FOXJ3: variants seen among roughly 807,000 people sequenced by gnomAD.
FOXJ3 encodes forkhead box J3.
FOXJ3 carries 22 observed loss-of-function variants against 76.1 expected under a neutral mutation model. The observed-to-expected ratio is 0.29, with a 90% CI of 0.21 to 0.41. FOXJ3 has a LOEUF of 0.41. FOXJ3 is among the 10% of genes least tolerant of loss of function. The pLI is 1.00. For missense variants in FOXJ3, 613 were observed against 762.1 expected, an observed-to-expected ratio of 0.80 and a Z score of 2.30; for synonymous variants, 269 against 261.2, an observed-to-expected ratio of 1.03 and a Z score of -0.29.
At chr1:42,236,708 T>A (rs1015281095) in intron 4 of FOXJ3, among the ~76,000 whole-genome samples, 1 of 152,228 alleles carries the variant, frequency 6.6e-6, no homozygotes, top group African/African-American at 2.4e-5. Flanking sequence ...CTGATTCCTA[T>A]CATTGTGCAT....
At chr1:42,321,785 T>C (rs1172826119) in intron 1 of FOXJ3, among the ~76,000 whole-genome samples, 1 of 152,096 alleles carries the variant, frequency 6.6e-6, no homozygotes, top group Non-Finnish European at 1.5e-5. Context: ...CAGTCAAGTA[T>C]GAACCGACTC....
At chr1:42,227,795 C>T (rs1647692462) in intron 5 of FOXJ3, 88 bp downstream of exon 5, 5 of 612,128 alleles carry the variant, frequency 8.2e-6, no homozygotes, top group South Asian at 7.3e-5. Context: ...ATTATAGTTA[C>T]ATGTGCTAGA....
chr1:42,205,760 A>T lies in FOXJ3; in HGVS notation c.630+2T>A. 6.6e-7 allele frequency: 1 copy of T among 1,518,228 alleles called. No homozygotes were observed. The highest frequency in any genetic ancestry group is 1.4e-5 in the African/African-American group (1 of 73,114). 94.0% of individuals were successfully genotyped at this position (1,518,228 alleles called of 1,614,324 possible). A position where few individuals can be genotyped will look rare whatever the true frequency, so the allele number is the denominator to read the frequency against. ...CAATAATGTTTAAAAAAATGAAATT[A>T]CTTTGTTAGTCACAGTGTTGATTGC... On this transcript the variant is annotated splice_donor_variant, in intron 6 of 12. Coordinates refer to ENST00000361346, the MANE Select transcript of FOXJ3 (RefSeq NM_014947.5). LOFTEE classifies it high-confidence loss of function.
chr1:42,306,239 A>G (rs1654454876), intron 2 of FOXJ3, among the ~76,000 whole-genome samples: 2 of 151,862 alleles, frequency 1.3e-5, no homozygotes, highest in South Asian at 4.1e-4. Flanking sequence ...AGATTCTGCT[A>G]AACTTTTAAG....
intron 2 of FOXJ3, among the ~76,000 whole-genome samples, chr1:42,286,124 GAAAT>G (rs72274574): frequency 0.021 from 3,136 of 152,142 alleles, 109 homozygotes; most frequent in African/African-American, 0.072. Flanking sequence ...AATCTAAAAA[GAAAT>G]AAAATAATTT....
chr1:42,204,678 C>A (rs1249664736), intron 6 of FOXJ3, among the ~76,000 whole-genome samples: 2 of 152,010 alleles, frequency 1.3e-5, no homozygotes, highest in African/African-American at 2.4e-5. Flanking sequence ...CAATGGAATC[C>A]TGGGATTACC....
intron 2 of FOXJ3, among the ~76,000 whole-genome samples, chr1:42,291,826 T>C (rs1187313385): frequency 6.6e-6 from 1 of 152,040 alleles, no homozygotes; most frequent in Non-Finnish European, 1.5e-5. Flanking sequence ...CCAGAAAATA[T>C]AAAGAACTCT....
rs1646324900 is a variant in FOXJ3 at position 42,181,806 on chromosome 1, ATAAC to A, written c.1753+107_1753+110del. On this transcript the variant is annotated intron_variant, in intron 12 of 12. Transcript: ENST00000361346. ...GCTTCTCAATATTAAACTCTGGGTAATAACTGACACACACACACACACTCTCTCT... is the reference window on the plus strand; with the variant it reads ...GCTTCTCAATATTAAACTCTGGGTAATGACACACACACACACACTCTCTCT... The A allele has an allele frequency of 4.9e-6, 3 of 612,102 alleles. No homozygotes were observed. In the South Asian group the frequency reaches 6.8e-5, roughly 14 times the overall value. 37.9% of individuals were successfully genotyped at this position (612,102 alleles called of 1,614,324 possible). A position where few individuals can be genotyped will look rare whatever the true frequency, so the allele number is the denominator to read the frequency against.
At chr1:42,297,678 G>A (rs1369069573) in intron 2 of FOXJ3, among the ~76,000 whole-genome samples, 2 of 152,082 alleles carry the variant, frequency 1.3e-5, no homozygotes, top group East Asian at 1.9e-4. Flanking sequence ...GAGGATTTTT[G>A]CACCTATGTT....
chr1:42,267,947 G>A (rs534917286), intron 3 of FOXJ3, among the ~76,000 whole-genome samples: 144 of 151,770 alleles, frequency 9.5e-4, no homozygotes, highest in Non-Finnish European at 1.5e-3. Flanking sequence ...CATTCACAAA[G>A]AGCAAAACAA....
intron 3 of FOXJ3, among the ~76,000 whole-genome samples, chr1:42,271,318 A>T (rs949955948): frequency 4.7e-5 from 7 of 149,712 alleles, no homozygotes; most frequent in African/African-American, 7.5e-5. Flanking sequence ...TTTTTTTTTT[A>T]AATATGTAAA....
At chr1:42,248,737 T>TTC (rs1167572313) in intron 4 of FOXJ3, among the ~76,000 whole-genome samples, 3 of 145,634 alleles carry the variant, frequency 2.1e-5, no homozygotes, top group Admixed American at 6.8e-5. Flanking sequence ...TTTCTTTTTT[T>TTC]TTTTTTTTTT....
chr1:42,334,075 T>C, intron 1 of FOXJ3: 3 of 759,114 alleles, frequency 4.0e-6, no homozygotes, highest in Non-Finnish European at 4.8e-6. Context: ...CAACACGGAA[T>C]AGTAAAACCT....
At chr1:42,231,261 G>C (rs1473475943) in intron 4 of FOXJ3, among the ~76,000 whole-genome samples, 1 of 152,142 alleles carries the variant, frequency 6.6e-6, no homozygotes, top group African/African-American at 2.4e-5. Context: ...AGAAGGCAGA[G>C]CTCGCAGTGA....
intron 1 of FOXJ3, among the ~76,000 whole-genome samples, chr1:42,331,626 T>C (rs1656169585): frequency 6.6e-6 from 1 of 152,152 alleles, no homozygotes. Flanking sequence ...CTCTACAAGA[T>C]TGTAAGTACA....
At position 42,198,955 on chromosome 1, in the gene FOXJ3, C is replaced by T. The variant is rs555688233; in HGVS notation, c.759+147G>A. The T allele has an allele frequency of 7.9e-5, 49 of 619,786 alleles. No individual in the cohort carries two copies. In the South Asian group the frequency reaches 1.1e-3, roughly 14 times the overall value. 38.4% of individuals were successfully genotyped at this position (619,786 alleles called of 1,614,324 possible). On this transcript the variant is annotated intron_variant, in intron 7 of 12. Transcript: ENST00000361346. The stretch of plus-strand genomic sequence containing the variant: ...TAAAACACTAACAAGCTACAATCTC[C>T]TCTAATTTTGATCTACTTACTAAGT...
Position 42,259,164 on chromosome 1 carries a change from T to C in FOXJ3, c.444+5951A>G, listed in dbSNP as rs117985491. Among the ~76,000 whole-genome samples the C allele has an allele frequency of 2.9e-4, 44 of 152,298 alleles. No individual in the cohort carries two copies. In the East Asian group the frequency reaches 8.1e-3, roughly 28 times the overall value. Reference sequence around the variant, plus strand: ...CAGACTCAGAAGGCCATGTACTATATGAGTCCCATTTATATGGCATTTTGG... The same window carrying C: ...CAGACTCAGAAGGCCATGTACTATACGAGTCCCATTTATATGGCATTTTGG... On this transcript the variant is annotated intron_variant, in intron 4 of 12. Coordinates refer to ENST00000361346, the MANE Select transcript of FOXJ3 (RefSeq NM_014947.5).
At chr1:42,277,752 C>G (rs373831101) in intron 3 of FOXJ3, among the ~76,000 whole-genome samples, 2 of 49,070 alleles carry the variant, frequency 4.1e-5, no homozygotes, top group African/African-American at 6.4e-5. Context: ...AGCCGAGATC[C>G]CGCCACTGCA....
At chr1:42,211,571 T>C (rs931917473) in intron 5 of FOXJ3, among the ~76,000 whole-genome samples, 1 of 151,856 alleles carries the variant, frequency 6.6e-6, no homozygotes, top group South Asian at 2.1e-4. Context: ...CCTTTGGCCA[T>C]ACCTGTGGAT....
Sources: allele counts gnomAD v4.1 joint callset (sites outside exome capture counted in the v4.1 genomes callset), GRCh38; gene constraint gnomAD v4.1.1; transcripts MANE v1.5; gene names NCBI Gene and HGNC (gene_info 2026-07-23, HGNC 2026-07-21).